The following NEDD4L variants were observed in gnomAD, a reference collection of about 807,000 sequenced individuals.
NEDD4L encodes the protein NEDD4 like E3 ubiquitin protein ligase.
A neutral mutation model predicts 148.9 loss-of-function variants in NEDD4L; 54 were observed. That is an observed-to-expected ratio of 0.36 (90% CI 0.29 to 0.45). NEDD4L has a LOEUF of 0.45. NEDD4L is among the 20% of genes least tolerant of loss of function. The probability of loss-of-function intolerance (pLI) is 1.00; values close to 1 mark genes in which losing one functional copy is unlikely to be tolerated. For synonymous variants in NEDD4L, 433 were observed against 440.7 expected (o/e 0.98, Z 0.22); for missense variants, 856 against 1,233.8 (o/e 0.69, Z 4.59).
In NEDD4L at chr18:58,316,976, T is replaced by A. The variant is rs530440568; in HGVS notation, c.348+944T>A. Among the ~76,000 whole-genome samples the A allele has an allele frequency of 6.0e-3, 227 of 37,536 alleles. 1 individual carries two copies. Among genetic ancestry groups the A allele is most frequent in the African/African-American group, 0.035 (217 of 6,208 alleles). The allele number at this position is 37,536 out of a possible 152,430, so 24.6% of individuals were successfully genotyped here. On this transcript the variant is annotated intron_variant, in intron 6 of 30. Transcript: ENST00000400345. ...ACTTTATTTACTTTATTTAAAGCTATTTAAAGCTAGCATAAGCTTCCTGCT... is the reference window on the plus strand; with the variant it reads ...ACTTTATTTACTTTATTTAAAGCTAATTAAAGCTAGCATAAGCTTCCTGCT...
intron 5 of NEDD4L, among the ~76,000 whole-genome samples, chr18:58,283,758 C>G (rs1001529923): frequency 6.6e-5 from 10 of 152,226 alleles, no homozygotes; most frequent in African/African-American, 2.4e-4. Flanking sequence ...TTGTGTCCCC[C>G]CAAAAAGATA....
chr18:58,280,638 C>G (rs538846207), intron 5 of NEDD4L, among the ~76,000 whole-genome samples: 2 of 152,040 alleles, frequency 1.3e-5, no homozygotes, highest in Non-Finnish European at 2.9e-5. Context: ...AAAGCACAGC[C>G]ACAGAGAGAA....
At chr18:58,085,015 A>G (rs1319684479) in intron 1 of NEDD4L, among the ~76,000 whole-genome samples, 5 of 152,074 alleles carry the variant, frequency 3.3e-5, no homozygotes, top group East Asian at 1.9e-4. Flanking sequence ...TTTGGGCACA[A>G]ATATCCGCTA....
rs372898637 is a variant in NEDD4L, at chr18:58,396,233, C to G, written c.2892C>G (p.Ala964=). ...ATTTACGAGAGAAACTTCTCATGGC[C>G]GTGGAAAATGCTCAAGGATTTGAAG... is the stretch of plus-strand genomic sequence containing the variant. ...FEDLREKLLM[A]VENAQGFEGV... The change falls in exon 31 of 31, where the codon GCC becomes GCG. Residue 964 remains alanine (A), a synonymous_variant. Transcript: ENST00000400345. 9.9e-6 allele frequency: 16 copies of G among 1,613,310 alleles called. No homozygotes were observed. Among genetic ancestry groups the G allele is most frequent in the Admixed American group, 3.3e-5 (2 of 59,978 alleles).
At chr18:58,313,488 C>T (rs2057925653) in intron 5 of NEDD4L, among the ~76,000 whole-genome samples, 1 of 152,202 alleles carries the variant, frequency 6.6e-6, no homozygotes. Context: ...TTCTCATCTA[C>T]ACCGTTTAAA....
rs147243838 is a variant in NEDD4L at position 58,146,234 on chromosome 18, C to T, written c.49-19554C>T. ...GGAAGGTGGGCGGGAGAGACCTAGACGCAGAAAAGGAGCTCTGGAGTTGAG... is the reference window on the plus strand; with the variant it reads ...GGAAGGTGGGCGGGAGAGACCTAGATGCAGAAAAGGAGCTCTGGAGTTGAG... On this transcript the variant is annotated intron_variant, in intron 1 of 30. Transcript: ENST00000400345. 6.8e-3 allele frequency among the ~76,000 whole-genome samples: 1,030 copies of T among 152,226 alleles called. 10 individuals are homozygous for T. The highest frequency in any genetic ancestry group is 0.023 in the African/African-American group (944 of 41,540).
intron 2 of NEDD4L, among the ~76,000 whole-genome samples, chr18:58,190,554 G>A (rs2039993747): frequency 6.6e-6 from 1 of 152,164 alleles, no homozygotes; most frequent in African/African-American, 2.4e-5. Context: ...ATGCCCTAAT[G>A]TATTAGTAGC....
intron 2 of NEDD4L, among the ~76,000 whole-genome samples, chr18:58,184,814 G>T (rs1222541682): frequency 6.6e-6 from 1 of 152,040 alleles, no homozygotes; most frequent in Non-Finnish European, 1.5e-5. Flanking sequence ...TGTAGTCCCA[G>T]CTACTTGGGA....
At chr18:58,173,854 G>A (rs187667663) in intron 2 of NEDD4L, among the ~76,000 whole-genome samples, 31 of 152,272 alleles carry the variant, frequency 2.0e-4, no homozygotes, top group Admixed American at 2.0e-3. Context: ...TTTACAGCTG[G>A]ACTGTTTAAA....
At chr18:58,271,838 T>G (rs575517935) in intron 5 of NEDD4L, among the ~76,000 whole-genome samples, 3 of 152,354 alleles carry the variant, frequency 2.0e-5, no homozygotes, top group Admixed American at 2.0e-4. Context: ...ATTTTTCGTT[T>G]TGTATGTTTT....
rs79223297 is a variant in NEDD4L, at chr18:58,385,303, T to A, written c.2427-223T>A. On this transcript the variant is annotated intron_variant, in intron 25 of 30. Coordinates refer to ENST00000400345, the MANE Select transcript of NEDD4L (RefSeq NM_001144967.3). ...CAGCCAAACCTTGATGTGGGGGAAG[T>A]TAATTACTCTTTTGAAATCTCCAGT... Among the ~76,000 whole-genome samples, 270 of 152,240 alleles carry A rather than the reference T, an allele frequency of 1.8e-3. 2 individuals carry two copies. Among genetic ancestry groups the A allele is most frequent in the Admixed American group, 0.012 (181 of 15,296 alleles).
rs144795643 is a variant in NEDD4L at position 58,363,250 on chromosome 18, A to G, written c.1768-1018A>G. On this transcript the variant is annotated intron_variant, in intron 19 of 30. Coordinates refer to ENST00000400345, the MANE Select transcript of NEDD4L (RefSeq NM_001144967.3). Reference sequence around the variant, plus strand: ...TTCTTCATTTCTTCTGTTTCTGGTCAAGATAAGTATGGTGAAAGTGTAAGG... The same window carrying G: ...TTCTTCATTTCTTCTGTTTCTGGTCGAGATAAGTATGGTGAAAGTGTAAGG... Among the ~76,000 whole-genome samples, 43 of 152,326 alleles carry G rather than the reference A, an allele frequency of 2.8e-4. 1 individual carries two copies. The highest frequency in any genetic ancestry group is 8.7e-4 in the African/African-American group (36 of 41,586).
intron 2 of NEDD4L, among the ~76,000 whole-genome samples, chr18:58,232,854 G>A (rs1182503062): frequency 6.6e-6 from 1 of 152,050 alleles, no homozygotes. Context: ...TTTGCCCTTT[G>A]GTCTCCCTGA....
At chr18:58,358,338 G>A (rs564381620) in intron 19 of NEDD4L, among the ~76,000 whole-genome samples, 10 of 151,974 alleles carry the variant, frequency 6.6e-5, no homozygotes, top group South Asian at 2.1e-4. Context: ...TTCTCTATGC[G>A]GCTTAAACAC....
chr18:58,223,548 T>G (rs2044006203), intron 2 of NEDD4L, among the ~76,000 whole-genome samples: 1 of 152,216 alleles, frequency 6.6e-6, no homozygotes, highest in Non-Finnish European at 1.5e-5. Flanking sequence ...TATGTTTCAT[T>G]CCAGGCAATG....
At chr18:58,081,723 C>T (rs1323700894) in intron 1 of NEDD4L, among the ~76,000 whole-genome samples, 1 of 152,086 alleles carries the variant, frequency 6.6e-6, no homozygotes, top group Non-Finnish European at 1.5e-5. Context: ...CTATGTGGTA[C>T]AGGCTGAACC....
chr18:58,392,624 C>T (rs2049987933), intron 30 of NEDD4L, among the ~76,000 whole-genome samples: 1 of 152,130 alleles, frequency 6.6e-6, no homozygotes, highest in African/African-American at 2.4e-5. Context: ...AGCAAGCTGA[C>T]TCCAGCCTAA....
chr18:58,223,158 TAAG>T (rs2043959854), intron 2 of NEDD4L, among the ~76,000 whole-genome samples: 1 of 152,102 alleles, frequency 6.6e-6, no homozygotes, highest in African/African-American at 2.4e-5. Context: ...TTTATTTAGT[TAAG>T]AGGAAGTAAA....
Position 58,349,531 on chromosome 18 carries a change from T to A in NEDD4L, c.1576-6T>A. The A allele has an allele frequency of 1.2e-6, 2 of 1,612,732 alleles. No individual in the cohort carries two copies. The highest frequency in any genetic ancestry group is 1.7e-6 in the Non-Finnish European group (2 of 1,178,708). ...GCATCTACTGTCTTTTACATTTTTCTTGCAGGAAGATCCACGTTTGAAATT... is the reference window on the plus strand; with the variant it reads ...GCATCTACTGTCTTTTACATTTTTCATGCAGGAAGATCCACGTTTGAAATT... On this transcript the variant is annotated splice_region_variant and splice_polypyrimidine_tract_variant and intron_variant, in intron 16 of 30. Transcript: ENST00000400345.
Sources: gnomAD v4.1 joint callset for allele counts (sites outside exome capture counted in the v4.1 genomes callset) on GRCh38, gnomAD v4.1.1 for gene constraint, MANE v1.5 for transcripts, NCBI Gene and HGNC (gene_info 2026-07-23, HGNC 2026-07-21) for gene names.